Variants in ADCY5 observed in about 807,000 individuals in gnomAD.
ADCY5 encodes the protein adenylate cyclase type 5.
In ADCY5, 30 loss-of-function variants were observed where a neutral mutation model predicts 119.7. That is an observed-to-expected ratio of 0.25 (90% CI 0.19 to 0.34). ADCY5 has a LOEUF of 0.34. Ranked by LOEUF, ADCY5 falls within the 10% of genes least tolerant of loss-of-function variation. The pLI is 1.00. For missense variants in ADCY5, 1,324 were observed against 1,775.2 expected, an observed-to-expected ratio of 0.75 and a Z score of 4.57; for synonymous variants, 753 against 762.2, an observed-to-expected ratio of 0.99 and a Z score of 0.20.
chr3:123,290,033 G>A, intron 18 of ADCY5, 79 bp from the exon 19 acceptor site: 5 of 1,443,744 alleles, frequency 3.5e-6, no homozygotes, highest in Non-Finnish European at 3.8e-6. Flanking sequence ...GGATGTCCAG[G>A]GAAGTGCAGC....
At chr3:123,301,060 C>T (rs1302174680) in intron 14 of ADCY5, among the ~76,000 whole-genome samples, 1 of 151,904 alleles carries the variant, frequency 6.6e-6, no homozygotes, top group African/African-American at 2.4e-5. Context: ...GGTCTCTGAG[C>T]CTCCGTTTCC....
intron 10 of ADCY5, among the ~76,000 whole-genome samples, 173 bp downstream of exon 10, chr3:123,319,501 G>A (rs896227968): frequency 6.6e-6 from 1 of 152,118 alleles, no homozygotes; most frequent in African/African-American, 2.4e-5. Flanking sequence ...TTCCAACCAG[G>A]GAAGCCTCCC....
At chr3:123,380,062 G>A (rs1453064267) in intron 1 of ADCY5, among the ~76,000 whole-genome samples, 1 of 152,168 alleles carries the variant, frequency 6.6e-6, no homozygotes, top group African/African-American at 2.4e-5. Context: ...AACAACGGAT[G>A]AGATTCTCCT....
chr3:123,440,728 G>A (rs1268453108), intron 1 of ADCY5, among the ~76,000 whole-genome samples: 1 of 152,044 alleles, frequency 6.6e-6, no homozygotes, highest in Non-Finnish European at 1.5e-5. Context: ...CTCACCAGAC[G>A]AATGAATAAA....
Position 123,448,129 on chromosome 3 carries a change from C to G in ADCY5, c.417G>C (p.Ser139=). 1 of 1,039,534 alleles carries G rather than the reference C, an allele frequency of 9.6e-7. No homozygotes were observed. The highest frequency in any genetic ancestry group is 4.3e-5 in the South Asian group (1 of 23,012). The allele number at this position is 1,039,534 out of a possible 1,614,324, so 64.4% of individuals were successfully genotyped here. ...CGCCCGCCGAGGCAGCCGCCGCCGCCGAGCCGCCGCCGCCGCCCGCAGGGG... is the reference window on the plus strand; with the variant it reads ...CGCCCGCCGAGGCAGCCGCCGCCGCGGAGCCGCCGCCGCCGCCCGCAGGGG... ...RAPPAGGGGG[S]AAAAASAGGT... The change falls in exon 1 of 21, where the codon TCG becomes TCC. Residue 139 remains serine (S), a synonymous_variant. Coordinates refer to ENST00000462833, the MANE Select transcript of ADCY5 (RefSeq NM_183357.3).
chr3:123,346,103 C>T (rs921942534), intron 3 of ADCY5, among the ~76,000 whole-genome samples: 6 of 152,218 alleles, frequency 3.9e-5, no homozygotes, highest in Admixed American at 6.5e-5. Context: ...GCACGTAGGG[C>T]GGTGGCTGGT....
chr3:123,384,458 G>A (rs1336082485), intron 1 of ADCY5, among the ~76,000 whole-genome samples: 5 of 152,176 alleles, frequency 3.3e-5, no homozygotes, highest in East Asian at 1.9e-4. Flanking sequence ...CCCCAGAAGC[G>A]AAGCCCTGCT....
At chr3:123,370,155 G>A (rs1943586019) in intron 1 of ADCY5, among the ~76,000 whole-genome samples, 2 of 152,282 alleles carry the variant, frequency 1.3e-5, no homozygotes, top group African/African-American at 2.4e-5. Flanking sequence ...ATGTTCATTT[G>A]CAGACTCACC....
rs1215415664 is a variant in ADCY5, at chr3:123,286,241, T to C, written c.3657+444A>G. 6.6e-6 allele frequency among the ~76,000 whole-genome samples: 1 copy of C among 151,768 alleles called. No homozygotes were observed. Among genetic ancestry groups the C allele is most frequent in the Non-Finnish European group, 1.5e-5 (1 of 67,938 alleles). On this transcript the variant is annotated intron_variant, in intron 20 of 20. Coordinates refer to ENST00000462833, the MANE Select transcript of ADCY5 (RefSeq NM_183357.3). The surrounding 1 kb of genome is among the most constrained non-coding windows in gnomAD (Gnocchi z 4.2). ...GGCCAGGGCCCTTGGCTGCTGGGGC[T>C]GGGGGAGGTACCATCCCAGGGCCAG...
At chr3:123,343,913 A>C (rs962792261) in intron 3 of ADCY5, among the ~76,000 whole-genome samples, 7 of 152,180 alleles carry the variant, frequency 4.6e-5, no homozygotes, top group African/African-American at 1.7e-4. Flanking sequence ...GAGACAACTA[A>C]GTGTCTCCGG....
At chr3:123,316,821 T>G (rs888782740) in intron 11 of ADCY5, among the ~76,000 whole-genome samples, 7 of 152,206 alleles carry the variant, frequency 4.6e-5, no homozygotes, top group Non-Finnish European at 8.8e-5. Flanking sequence ...GAAAATGTCC[T>G]TAAGTATATA....
At chr3:123,436,702 T>C (rs1425142343) in intron 1 of ADCY5, among the ~76,000 whole-genome samples, 1 of 152,056 alleles carries the variant, frequency 6.6e-6, no homozygotes, top group Non-Finnish European at 1.5e-5. Flanking sequence ...CAAGACTCCA[T>C]CTCAAAAAAT....
At chr3:123,376,121 G>A (rs1007299687) in intron 1 of ADCY5, among the ~76,000 whole-genome samples, 3 of 152,192 alleles carry the variant, frequency 2.0e-5, no homozygotes, top group East Asian at 3.9e-4. Flanking sequence ...CTGTTTCAGC[G>A]GGATTGTGAC....
At chr3:123,360,061 G>GTT (rs71625736) in intron 1 of ADCY5, among the ~76,000 whole-genome samples, 35 of 147,006 alleles carry the variant, frequency 2.4e-4, no homozygotes, top group African/African-American at 2.5e-4. Flanking sequence ...GGTGCTTAAT[G>GTT]TTTTTTTTTT....
At chr3:123,439,835 T>C (rs1288253002) in intron 1 of ADCY5, among the ~76,000 whole-genome samples, 1 of 152,224 alleles carries the variant, frequency 6.6e-6, no homozygotes, top group Admixed American at 6.5e-5. Flanking sequence ...GATTATTATC[T>C]GAACAAATAG....
intron 5 of ADCY5, among the ~76,000 whole-genome samples, chr3:123,330,471 G>A (rs1003321288): frequency 6.6e-6 from 1 of 152,246 alleles, no homozygotes; most frequent in Non-Finnish European, 1.5e-5. Context: ...ACCCTGGGGA[G>A]TTGTCTAACC....
chr3:123,426,299 G>T (rs1360443546), intron 1 of ADCY5, among the ~76,000 whole-genome samples: 10 of 97,948 alleles, frequency 1.0e-4, no homozygotes, highest in Non-Finnish European at 2.1e-4. Context: ...TTTCTTTTGT[G>T]TTTTTTTTTT....
rs1224481041 is a variant in ADCY5, at chr3:123,356,874, GT to G, written c.1135-4294del. ...TTTTTTTTTTCAAATGAAATGAAAA[GT>G]TATGTTCACACAAAAATCTTTGCAT... On this transcript the variant is annotated intron_variant, in intron 1 of 20. Transcript: ENST00000462833. Among the ~76,000 whole-genome samples, 6 of 151,936 alleles carry G rather than the reference GT, an allele frequency of 3.9e-5. No homozygotes were observed. In the South Asian group the frequency reaches 1.0e-3, roughly 26 times the overall value.
At chr3:123,432,027 C>T (rs1393140361) in intron 1 of ADCY5, among the ~76,000 whole-genome samples, 4 of 152,152 alleles carry the variant, frequency 2.6e-5, no homozygotes, top group Non-Finnish European at 5.9e-5. Context: ...AGCTCCTTGA[C>T]GTACCTTTAC....
Sources: allele counts gnomAD v4.1 joint callset (sites outside exome capture counted in the v4.1 genomes callset), GRCh38; gene constraint gnomAD v4.1.1; non-coding constraint Gnocchi (gnomAD v3.1); transcripts MANE v1.5; gene names NCBI Gene and HGNC (gene_info 2026-07-23, HGNC 2026-07-21).